The following MLYCD variants were observed in gnomAD, a reference collection of about 807,000 sequenced individuals.
MLYCD encodes malonyl-CoA decarboxylase.
A neutral mutation model predicts 35.8 loss-of-function variants in MLYCD; 27 were observed. The observed-to-expected ratio is 0.75, with a 90% confidence interval of 0.56 to 1.04. The LOEUF (loss-of-function observed/expected upper bound fraction) is 1.04. MLYCD is among the 50% of genes least tolerant of loss of function. The probability of loss-of-function intolerance (pLI) is 0.00; values close to 1 mark genes in which losing one functional copy is unlikely to be tolerated. For synonymous variants in MLYCD, 403 were observed against 302.4 expected, an observed-to-expected ratio of 1.33 and a Z score of -3.45; for missense variants, 917 against 665.1, an observed-to-expected ratio of 1.38 and a Z score of -4.17.
At position 83,908,165 on chromosome 16, in the gene MLYCD, G is replaced by A. The variant is rs1248979723; in HGVS notation, c.681G>A (p.Met227Ile). The change falls in exon 3 of 5, where the codon ATG becomes ATA. Residue 227 changes from methionine (M) to isoleucine (I), a missense_variant. Physicochemically the swap from Met to Ile is conservative, Grantham distance 10. Transcript: ENST00000262430. ...AVHPVKNWMDMKRRVGPYRRC... is the reference protein window; with the variant it reads ...AVHPVKNWMDIKRRVGPYRRC... ...ATCCTGTAAAAAACTGGATGGACAT[G>A]AAGCGCCGCGTTGGGCCCTACAGAA... 1 of 1,614,226 alleles carries A rather than the reference G, an allele frequency of 6.2e-7. No individual in the cohort carries two copies. The highest frequency in any genetic ancestry group is 2.2e-5 in the East Asian group (1 of 44,886).
chr16:83,912,016 A>T, intron 3 of MLYCD: 1 of 670,054 alleles, frequency 1.5e-6, no homozygotes, highest in Admixed American at 2.5e-5. Context: ...ACCCCCAGGC[A>T]CGCGGTGGAG....
At chr16:83,910,211 GTTTT>G (rs144044828) in intron 3 of MLYCD, among the ~76,000 whole-genome samples, 3 of 141,166 alleles carry the variant, frequency 2.1e-5, no homozygotes, top group Non-Finnish European at 4.7e-5. Flanking sequence ...TTTATGCATG[GTTTT>G]TTTTTTTTGC....
chr16:83,899,213 CG>C lies in MLYCD; in HGVS notation c.72del (p.Arg26GlyfsTer47). 8.3e-7 allele frequency: 1 copy of C among 1,205,180 alleles called. No homozygotes were observed. Among genetic ancestry groups the C allele is most frequent in the Non-Finnish European group, 1.0e-6 (1 of 974,762 alleles). 74.7% of individuals were successfully genotyped at this position (1,205,180 alleles called of 1,614,324 possible). A position where few individuals can be genotyped will look rare whatever the true frequency, so the allele number is the denominator to read the frequency against. On this transcript the variant is annotated frameshift_variant, in exon 1 of 5. Coordinates refer to ENST00000262430, the MANE Select transcript of MLYCD (RefSeq NM_012213.3). LOFTEE classifies it high-confidence loss of function. ...CGCTGCGGTTGCCCCCGCGGCCGCCCGGGCCCCGGCTGGCGAGCGGGCAGGC... is the reference window on the plus strand; with the variant it reads ...CGCTGCGGTTGCCCCCGCGGCCGCCCGGCCCCGGCTGGCGAGCGGGCAGGC... The part of the protein sequence containing the change: ...LPLRLPPRPP[G>X]PRLASGQAAG...
intron 1 of MLYCD, among the ~76,000 whole-genome samples, chr16:83,901,884 A>G (rs1028194232): frequency 2.0e-5 from 3 of 152,190 alleles, no homozygotes; most frequent in African/African-American, 4.8e-5. Flanking sequence ...CCTGTGGACC[A>G]GAGGTGTTTA....
chr16:83,912,034 C>G (rs1907197166), intron 3 of MLYCD, 184 bp from the exon 4 acceptor site: 1 of 810,592 alleles, frequency 1.2e-6, no homozygotes, highest in African/African-American at 1.7e-5. Context: ...GAGTCGCCTC[C>G]TCCAGAGAGT....
chr16:83,915,344 G>A lies in MLYCD; in HGVS notation c.1337G>A (p.Gly446Asp). 6.2e-7 allele frequency: 1 copy of A among 1,613,802 alleles called. No individual in the cohort carries two copies. Among genetic ancestry groups the A allele is most frequent in the Non-Finnish European group, 8.5e-7 (1 of 1,180,032 alleles). The change falls in exon 5 of 5, where the codon GGC becomes GAC. Residue 446 changes from glycine to aspartate, a missense_variant. Transcript: ENST00000262430. ...MADVSLRGITGSCGLMANYRY... is the reference protein window; with the variant it reads ...MADVSLRGITDSCGLMANYRY... Reference sequence around the variant, plus strand: ...GATGTGAGCCTCAGAGGCATCACCGGCTCCTGCGGCCTGATGGCCAACTAC... The same window carrying A: ...GATGTGAGCCTCAGAGGCATCACCGACTCCTGCGGCCTGATGGCCAACTAC...
rs1004210914 is a variant in MLYCD at position 83,924,078 on chromosome 16, A to G, written c.*8589A>G. The G allele has an allele frequency of 2.6e-5, 4 of 152,244 alleles. No homozygotes were observed. The highest frequency in any genetic ancestry group is 7.2e-5 in the African/African-American group (3 of 41,408). The allele number at this position is 152,244 out of a possible 1,614,324, so 9.4% of individuals were successfully genotyped here. On this transcript the variant is annotated 3_prime_UTR_variant, in exon 5 of 5. Transcript: ENST00000262430. ...CAGGGAGAGAAGCTGAGCTCCCACC[A>G]AAGCATAAAATCCAGGCCAGCGAGG... is the stretch of plus-strand genomic sequence containing the variant.
chr16:83,906,450 G>C (rs114600543), intron 1 of MLYCD, among the ~76,000 whole-genome samples: 1,633 of 152,304 alleles, frequency 0.011, 30 homozygotes, highest in African/African-American at 0.037. Flanking sequence ...GATGCATCCT[G>C]ACTTGAGAGA....
intron 1 of MLYCD, among the ~76,000 whole-genome samples, chr16:83,901,417 C>T (rs1906781668): frequency 6.6e-6 from 1 of 152,172 alleles, no homozygotes; most frequent in Non-Finnish European, 1.5e-5. Context: ...ATAAGACACA[C>T]TTGACACACT....
chr16:83,907,863 C>G (rs1907036715), intron 2 of MLYCD, among the ~76,000 whole-genome samples: 1 of 152,144 alleles, frequency 6.6e-6, no homozygotes, highest in Admixed American at 6.6e-5. Flanking sequence ...CTGCATGAAT[C>G]CTTCCCCGGA....
intron 2 of MLYCD, among the ~76,000 whole-genome samples, chr16:83,907,517 A>G (rs938200505): frequency 3.3e-5 from 5 of 152,200 alleles, no homozygotes; most frequent in South Asian, 2.1e-4. Flanking sequence ...TAAACAAACT[A>G]TATCATGTGT....
chr16:83,912,421 A>G, intron 4 of MLYCD, 54 bp downstream of exon 4: 1 of 1,611,072 alleles, frequency 6.2e-7, no homozygotes, highest in Middle Eastern at 1.7e-4. Context: ...TGGTCAGGTC[A>G]GCGAACCTCG....
chr16:83,904,336 T>C (rs1906903681), intron 1 of MLYCD, among the ~76,000 whole-genome samples: 2 of 152,196 alleles, frequency 1.3e-5, no homozygotes, highest in Admixed American at 6.5e-5. Context: ...GGAAAACGTA[T>C]GCACAATTTT....
intron 1 of MLYCD, among the ~76,000 whole-genome samples, chr16:83,902,486 A>G (rs953008554): frequency 2.8e-5 from 4 of 145,226 alleles, no homozygotes; most frequent in African/African-American, 1.0e-4. Context: ...GTATGATCTG[A>G]TCTATTTTTT....
At chr16:83,910,409 C>A (rs773613898) in intron 3 of MLYCD, among the ~76,000 whole-genome samples, 1 of 151,812 alleles carries the variant, frequency 6.6e-6, no homozygotes, top group Non-Finnish European at 1.5e-5. Flanking sequence ...AAGGAGAGCC[C>A]GACGCAGTGA....
chr16:83,908,565 A>G (rs769475549), intron 3 of MLYCD, among the ~76,000 whole-genome samples: 17 of 152,236 alleles, frequency 1.1e-4, no homozygotes, highest in Non-Finnish European at 1.9e-4. Flanking sequence ...TTTGTGAGGC[A>G]GAAAATAATT....
chr16:83,916,309 G>A lies in MLYCD; in HGVS notation c.*820G>A. 3.9e-6 allele frequency: 2 copies of A among 506,398 alleles called. No homozygotes were observed. The highest frequency in any genetic ancestry group is 5.1e-6 in the Non-Finnish European group (2 of 390,682). 31.4% of individuals were successfully genotyped at this position (506,398 alleles called of 1,614,324 possible). On this transcript the variant is annotated 3_prime_UTR_variant, in exon 5 of 5. Coordinates refer to ENST00000262430, the MANE Select transcript of MLYCD (RefSeq NM_012213.3). ...TGTGTTGGATGAGAACAAAGGTGAA[G>A]GAAGGGGCAGTCATTGTGCTTGTGG...
At chr16:83,913,591 G>C (rs1907260175) in intron 4 of MLYCD, 1 of 152,262 alleles carries the variant, frequency 6.6e-6, no homozygotes, top group Admixed American at 6.5e-5. Context: ...GCCGAGGCAG[G>C]CAGATCACCT....
At chr16:83,904,633 C>T (rs1018418105) in intron 1 of MLYCD, among the ~76,000 whole-genome samples, 11 of 152,146 alleles carry the variant, frequency 7.2e-5, no homozygotes, top group African/African-American at 1.9e-4. Context: ...GCTTTTATGG[C>T]GTTTACAACC....
Sources: allele counts gnomAD v4.1 joint callset (sites outside exome capture counted in the v4.1 genomes callset), GRCh38; gene constraint gnomAD v4.1.1; transcripts MANE v1.5; gene names NCBI Gene and HGNC (gene_info 2026-07-23, HGNC 2026-07-21).